PCDH15: variants seen among roughly 807,000 people sequenced by gnomAD.
The protein encoded by PCDH15 is protocadherin-15.
PCDH15 carries 129 observed loss-of-function variants against 178.5 expected under a neutral mutation model. That is an observed-to-expected ratio of 0.72 (90% confidence interval 0.63 to 0.84). The LOEUF (loss-of-function observed/expected upper bound fraction) is 0.84. Ranked by LOEUF, PCDH15 falls within the 40% of genes least tolerant of loss-of-function variation. PCDH15 has a pLI of 0.00. For missense variants in PCDH15, 2,230 were observed against 2,099.9 expected (o/e 1.06, Z -1.21); for synonymous variants, 800 against 732.0 (o/e 1.09, Z -1.50).
intron 12 of PCDH15, among the ~76,000 whole-genome samples, chr10:54,184,779 T>C (rs1191941953): frequency 1.3e-5 from 2 of 152,052 alleles, no homozygotes; most frequent in Non-Finnish European, 2.9e-5. Flanking sequence ...CTCAACCTTA[T>C]GACTAAATAA....
chr10:55,532,265 A>G (rs751059157), intron 2 of PCDH15, among the ~76,000 whole-genome samples: 31 of 152,014 alleles, frequency 2.0e-4, no homozygotes, highest in Non-Finnish European at 4.0e-4. Flanking sequence ...GCAGCTGCTC[A>G]TGTTGACTAA....
intron 2 of PCDH15, among the ~76,000 whole-genome samples, chr10:55,577,510 T>C (rs1289682661): frequency 6.6e-6 from 1 of 152,260 alleles, no homozygotes; most frequent in East Asian, 1.9e-4. Flanking sequence ...AGCCCTACCC[T>C]CCAGAACTTA....
Position 55,478,325 on chromosome 10 carries a change from C to T in PCDH15, c.-156+149300G>A, listed in dbSNP as rs1024537390. 3.3e-5 allele frequency among the ~76,000 whole-genome samples: 5 copies of T among 151,514 alleles called. No individual in the cohort carries two copies. The South Asian group carries it at 1.0e-3, about 31-fold the overall frequency. ...TGGACTCTAGACTAAATGGACCCAA[C>T]AGATATTTAAAAAACATTCCATCCA... On this transcript the variant is annotated intron_variant, in intron 2 of 5. Transcript: ENST00000613346.
chr10:54,071,817 G>T (rs976176449), intron 17 of PCDH15, among the ~76,000 whole-genome samples: 8 of 152,044 alleles, frequency 5.3e-5, no homozygotes, highest in African/African-American at 1.7e-4. Context: ...ATAAAAACAT[G>T]AGTGTTTAAT....
At chr10:55,018,148 A>C (rs911181943) in intron 2 of PCDH15, among the ~76,000 whole-genome samples, 3 of 152,092 alleles carry the variant, frequency 2.0e-5, no homozygotes, top group Non-Finnish European at 2.9e-5. Context: ...TAACCTATTG[A>C]TGTTTAGAGG....
At chr10:53,847,324 C>T (rs1179633002) in intron 28 of PCDH15, among the ~76,000 whole-genome samples, 1 of 151,996 alleles carries the variant, frequency 6.6e-6, no homozygotes, top group Non-Finnish European at 1.5e-5. Flanking sequence ...GAGAGTTCCA[C>T]CCCAAGTGCT....
intron 2 of PCDH15, among the ~76,000 whole-genome samples, chr10:54,928,174 T>C (rs1018905609): frequency 6.6e-6 from 1 of 152,190 alleles, no homozygotes. Flanking sequence ...AAAAATATCT[T>C]ATTTCTCCTT....
chr10:53,945,398 C>T (rs2086455464), intron 23 of PCDH15, among the ~76,000 whole-genome samples: 1 of 152,100 alleles, frequency 6.6e-6, no homozygotes, highest in Non-Finnish European at 1.5e-5. Flanking sequence ...CATTTGACTA[C>T]CTCACAAGTT....
At chr10:55,196,333 C>T (rs541803202) in intron 1 of PCDH15, among the ~76,000 whole-genome samples, 22 of 152,080 alleles carry the variant, frequency 1.4e-4, no homozygotes, top group Non-Finnish European at 3.1e-4. Context: ...TTTCAACTGT[C>T]TTTCCCATGA....
intron 2 of PCDH15, among the ~76,000 whole-genome samples, chr10:55,335,580 G>T (rs528257000): frequency 6.6e-6 from 1 of 152,240 alleles, no homozygotes; most frequent in South Asian, 2.1e-4. Flanking sequence ...AATTAAGAAA[G>T]TTTAAAGAGA....
At position 55,237,450 on chromosome 10, in the gene PCDH15, T is replaced by A. The variant is rs1841413053; in HGVS notation, c.-155-70799A>T. On this transcript the variant is annotated intron_variant, in intron 1 of 5. Coordinates refer to the PCDH15 transcript ENST00000458638. ...AGAATTTGAAGTATCTTTCAGTCTT[T>A]CCATTTTACAAATGTGAAAACTGTG... Among the ~76,000 whole-genome samples, 3 of 152,184 alleles carry A rather than the reference T, an allele frequency of 2.0e-5. No individual in the cohort carries two copies. In the South Asian group the frequency reaches 6.2e-4, roughly 31 times the overall value.
chr10:54,522,103 A>C (rs1190505117), intron 3 of PCDH15, among the ~76,000 whole-genome samples: 1 of 151,606 alleles, frequency 6.6e-6, no homozygotes, highest in Non-Finnish European at 1.5e-5. Flanking sequence ...AAAAAAAAAA[A>C]AAAAAAAGGA....
At chr10:54,707,600 C>G (rs1256655321) in intron 1 of PCDH15, among the ~76,000 whole-genome samples, 1 of 152,118 alleles carries the variant, frequency 6.6e-6, no homozygotes, top group Non-Finnish European at 1.5e-5. Context: ...TGAAAATACA[C>G]AGCCTATCTG....
intron 3 of PCDH15, among the ~76,000 whole-genome samples, chr10:54,815,887 T>C (rs546158312): frequency 4.1e-4 from 62 of 152,236 alleles, no homozygotes; most frequent in African/African-American, 1.4e-3. Flanking sequence ...TTCTTTTCTC[T>C]AGCTTGCTTT....
intron 13 of PCDH15, among the ~76,000 whole-genome samples, chr10:54,167,820 T>C (rs2046404681): frequency 6.6e-6 from 1 of 151,820 alleles, no homozygotes; most frequent in East Asian, 2.0e-4. Flanking sequence ...ATCCCTTATT[T>C]CCATGCCCCA....
chr10:55,351,496 A>G (rs1229320020), intron 2 of PCDH15, among the ~76,000 whole-genome samples: 1 of 152,114 alleles, frequency 6.6e-6, no homozygotes, highest in Non-Finnish European at 1.5e-5. Context: ...ACAATAATAA[A>G]TAAGCCTTCT....
intron 2 of PCDH15, among the ~76,000 whole-genome samples, chr10:55,501,108 AAGAAG>A (rs539524344): frequency 1.4e-3 from 216 of 151,810 alleles, no homozygotes; most frequent in African/African-American, 5.0e-3. Flanking sequence ...CTGTCCTTTT[AAGAAG>A]AGAAGACAGA....
At chr10:54,714,245 C>G (rs1747337497) in intron 1 of PCDH15, among the ~76,000 whole-genome samples, 2 of 152,106 alleles carry the variant, frequency 1.3e-5, no homozygotes, top group Non-Finnish European at 2.9e-5. Flanking sequence ...CTGTCTATCG[C>G]AAACATCACT....
intron 2 of PCDH15, among the ~76,000 whole-genome samples, chr10:55,454,233 T>C (rs1227067550): frequency 2.6e-5 from 4 of 152,112 alleles, no homozygotes; most frequent in African/African-American, 7.2e-5. Flanking sequence ...CTTTTCAGAA[T>C]ACATGCAAAG....
Sources: allele counts gnomAD v4.1 joint callset (sites outside exome capture counted in the v4.1 genomes callset), GRCh38; gene constraint gnomAD v4.1.1; transcripts MANE v1.5; gene names NCBI Gene and HGNC (gene_info 2026-07-23, HGNC 2026-07-21).